SGCZ: variants seen among roughly 807,000 people sequenced by gnomAD.
SGCZ encodes the protein zeta-sarcoglycan.
SGCZ carries 40 observed loss-of-function variants against 41.3 expected under a neutral mutation model. The observed-to-expected ratio is 0.97, with a 90% confidence interval of 0.75 to 1.26. The LOEUF (loss-of-function observed/expected upper bound fraction) is 1.26. Among genes scored for constraint, SGCZ ranks in the 50% most tolerant of loss-of-function variants. The pLI is 0.00. For synonymous variants in SGCZ, 206 were observed against 137.5 expected (o/e 1.50, Z -3.49); for missense variants, 552 against 369.8 (o/e 1.49, Z -4.04).
At chr8:14,185,428 A>T (rs908653979) in intron 4 of SGCZ, among the ~76,000 whole-genome samples, 1 of 152,132 alleles carries the variant, frequency 6.6e-6, no homozygotes, top group Non-Finnish European at 1.5e-5. Context: ...ATAAAATAAA[A>T]AAACAAAAAA....
intron 2 of SGCZ, among the ~76,000 whole-genome samples, chr8:14,511,774 T>C (rs1336343240): frequency 6.6e-6 from 1 of 152,132 alleles, no homozygotes; most frequent in Non-Finnish European, 1.5e-5. Flanking sequence ...GTTACTGTAG[T>C]TCCCAAATTC....
At chr8:14,666,318 ACAAT>A (rs1807909321) in intron 1 of SGCZ, among the ~76,000 whole-genome samples, 1 of 152,150 alleles carries the variant, frequency 6.6e-6, no homozygotes, top group African/African-American at 2.4e-5. Flanking sequence ...TCAATTACTC[ACAAT>A]CAGAGACTTG....
At chr8:14,819,450 C>G (rs1802006530) in intron 1 of SGCZ, among the ~76,000 whole-genome samples, 1 of 152,104 alleles carries the variant, frequency 6.6e-6, no homozygotes. Context: ...TAGGGAAGTC[C>G]AATCACAAGA....
intron 1 of SGCZ, among the ~76,000 whole-genome samples, chr8:14,766,144 A>G (rs1800027506): frequency 6.6e-6 from 1 of 151,894 alleles, no homozygotes; most frequent in African/African-American, 2.4e-5. Context: ...TATTTTTAGT[A>G]GAGACGGGTT....
In SGCZ at chr8:14,630,799, C is replaced by T. The variant is rs1806622801; in HGVS notation, c.40-75873G>A. 1.4e-5 allele frequency among the ~76,000 whole-genome samples: 2 copies of T among 143,660 alleles called. 1 individual carries two copies. The highest frequency in any genetic ancestry group is 1.5e-4 in the Admixed American group (2 of 13,188). 94.2% of individuals were successfully genotyped at this position (143,660 alleles called of 152,430 possible). A position where few individuals can be genotyped will look rare whatever the true frequency, so the allele number is the denominator to read the frequency against. On this transcript the variant is annotated intron_variant, in intron 1 of 7. Coordinates refer to ENST00000382080, the MANE Select transcript of SGCZ (RefSeq NM_139167.4). ...GAAAACCAAACACCACGTGTTCTCA[C>T]TCATAGGTGGGAATTGAACAATGAG...
At chr8:14,387,262 G>C (rs149411052) in intron 2 of SGCZ, among the ~76,000 whole-genome samples, 1 of 152,144 alleles carries the variant, frequency 6.6e-6, no homozygotes, top group Non-Finnish European at 1.5e-5. Context: ...CTGTTGCCCA[G>C]ACTGGCCTCG....
intron 1 of SGCZ, among the ~76,000 whole-genome samples, chr8:14,833,654 G>A (rs528942239): frequency 4.6e-5 from 7 of 152,280 alleles, no homozygotes; most frequent in African/African-American, 1.2e-4. Context: ...GCTTGCAGAT[G>A]GGGACGAAGG....
chr8:14,314,686 G>C (rs534424267), intron 3 of SGCZ, among the ~76,000 whole-genome samples: 1 of 152,048 alleles, frequency 6.6e-6, no homozygotes, highest in Non-Finnish European at 1.5e-5. Context: ...ACATGGGTTG[G>C]TTCAAGGGCA....
intron 1 of SGCZ, among the ~76,000 whole-genome samples, chr8:14,676,717 C>A (rs1196530161): frequency 6.6e-6 from 1 of 152,150 alleles, no homozygotes. Context: ...AATAAAAACA[C>A]ATGATCATAT....
intron 1 of SGCZ, among the ~76,000 whole-genome samples, chr8:15,081,198 G>C (rs1055190196): frequency 1.1e-4 from 16 of 152,252 alleles, no homozygotes; most frequent in African/African-American, 3.9e-4. Flanking sequence ...GTCTATGGTG[G>C]CTAAATCGTC....
intron 1 of SGCZ, among the ~76,000 whole-genome samples, chr8:15,086,404 A>T (rs907540632): frequency 2.0e-5 from 3 of 152,304 alleles, no homozygotes; most frequent in Admixed American, 2.0e-4. Flanking sequence ...CATGGAAAGT[A>T]TGTTTTTTCC....
intron 1 of SGCZ, among the ~76,000 whole-genome samples, chr8:15,118,675 A>T (rs987231131): frequency 1.4e-4 from 22 of 152,168 alleles, no homozygotes; most frequent in African/African-American, 5.1e-4. Flanking sequence ...GATCAGGAGT[A>T]GCTTAGACTA....
chr8:14,411,612 A>G (rs1044882966), intron 2 of SGCZ, among the ~76,000 whole-genome samples: 5 of 152,124 alleles, frequency 3.3e-5, no homozygotes, highest in Non-Finnish European at 5.9e-5. Flanking sequence ...GGTATGAGCC[A>G]TATTTATTAC....
At chr8:15,237,480 C>T in intron 1 of SGCZ, 105 bp downstream of exon 1, 1 of 1,374,306 alleles carries the variant, frequency 7.3e-7, no homozygotes, top group Non-Finnish European at 1.0e-6. Context: ...CGTCGTCCCG[C>T]GGGACCACCA....
intron 1 of SGCZ, among the ~76,000 whole-genome samples, chr8:14,842,881 A>G (rs894204029): frequency 6.6e-6 from 1 of 152,182 alleles, no homozygotes; most frequent in African/African-American, 2.4e-5. Flanking sequence ...GTCTGGAGCC[A>G]TGCATTTTTC....
intron 1 of SGCZ, among the ~76,000 whole-genome samples, chr8:14,691,889 A>G (rs951260454): frequency 6.6e-6 from 1 of 152,036 alleles, no homozygotes; most frequent in African/African-American, 2.4e-5. Context: ...TGAGAAAATA[A>G]ATTACAAATT....
At chr8:14,884,147 G>C (rs1804700131) in intron 1 of SGCZ, among the ~76,000 whole-genome samples, 1 of 152,040 alleles carries the variant, frequency 6.6e-6, no homozygotes, top group Non-Finnish European at 1.5e-5. Flanking sequence ...GCATCAGATT[G>C]AATAAACAAT....
chr8:14,539,583 G>A (rs1803397667), intron 2 of SGCZ, among the ~76,000 whole-genome samples: 2 of 151,676 alleles, frequency 1.3e-5, no homozygotes, highest in Non-Finnish European at 2.9e-5. Flanking sequence ...TACAAGTACC[G>A]GTTTGTTACA....
intron 1 of SGCZ, among the ~76,000 whole-genome samples, chr8:14,724,227 G>A (rs1001627331): frequency 6.6e-6 from 1 of 151,968 alleles, no homozygotes. Flanking sequence ...AGAGGCAAGG[G>A]ACTGGAAACA....
Sources: allele counts gnomAD v4.1 joint callset (sites outside exome capture counted in the v4.1 genomes callset), GRCh38; gene constraint gnomAD v4.1.1; transcripts MANE v1.5; gene names NCBI Gene and HGNC (gene_info 2026-07-23, HGNC 2026-07-21).